Variants in CDH9 observed in about 807,000 individuals in gnomAD.
The protein encoded by CDH9 is cadherin-9.
In CDH9, 28 loss-of-function variants were observed where a neutral mutation model predicts 70.9. The ratio of observed to expected loss-of-function variants is 0.40; its 90% CI spans 0.29 to 0.54. CDH9 has a LOEUF of 0.54. Among genes scored for constraint, CDH9 ranks in the 20% least tolerant of loss-of-function variants. The pLI is 0.59. For missense variants in CDH9, 874 were observed against 984.4 expected, an observed-to-expected ratio of 0.89 and a Z score of 1.50; for synonymous variants, 409 against 343.1, an observed-to-expected ratio of 1.19 and a Z score of -2.12.
intron 1 of CDH9, among the ~76,000 whole-genome samples, chr5:27,025,056 T>G (rs948721810): frequency 2.0e-5 from 3 of 152,140 alleles, no homozygotes; most frequent in Admixed American, 1.3e-4. Flanking sequence ...ATCTATTAAT[T>G]TTTTTGTGAT....
chr5:26,890,389 GAAA>G, intron 8 of CDH9, 36 bp downstream of exon 8: 1 of 1,585,036 alleles, frequency 6.3e-7, no homozygotes, highest in South Asian at 1.1e-5. Context: ...CCACTTTGAT[GAAA>G]GACAGTGTCT....
At chr5:26,921,771 G>A (rs948661711) in intron 2 of CDH9, among the ~76,000 whole-genome samples, 1 of 152,018 alleles carries the variant, frequency 6.6e-6, no homozygotes, top group East Asian at 1.9e-4. Flanking sequence ...TCTTCCAAGT[G>A]AGTCTAAGAA....
chr5:26,892,058 T>G (rs1487684733), intron 7 of CDH9, among the ~76,000 whole-genome samples: 1 of 152,194 alleles, frequency 6.6e-6, no homozygotes, highest in East Asian at 1.9e-4. Flanking sequence ...ACTGAACTTC[T>G]GATCCACAAA....
chr5:27,024,557 G>T (rs1323946993), intron 1 of CDH9, among the ~76,000 whole-genome samples: 1 of 152,006 alleles, frequency 6.6e-6, no homozygotes, highest in Non-Finnish European at 1.5e-5. Flanking sequence ...ATTATCTTGA[G>T]CCACTATTAG....
intron 1 of CDH9, among the ~76,000 whole-genome samples, chr5:26,999,336 A>C (rs1477314439): frequency 6.6e-6 from 1 of 152,204 alleles, no homozygotes; most frequent in Non-Finnish European, 1.5e-5. Context: ...ATATGCAATG[A>C]CTTCTCTTCA....
At chr5:27,028,829 A>G (rs1743263996) in intron 1 of CDH9, among the ~76,000 whole-genome samples, 1 of 152,070 alleles carries the variant, frequency 6.6e-6, no homozygotes, top group African/African-American at 2.4e-5. Flanking sequence ...GTACTTCCTT[A>G]CATTTCTGGA....
intron 3 of CDH9, among the ~76,000 whole-genome samples, chr5:26,908,563 G>A (rs1045672112): frequency 1.3e-5 from 2 of 151,988 alleles, no homozygotes; most frequent in Non-Finnish European, 2.9e-5. Flanking sequence ...TTCATAATGG[G>A]TACAGGTAAA....
chr5:27,021,751 T>C (rs1743141922), intron 1 of CDH9, among the ~76,000 whole-genome samples: 1 of 151,960 alleles, frequency 6.6e-6, no homozygotes, highest in South Asian at 2.1e-4. Context: ...GGTTCATTGC[T>C]AGAGTAAAAG....
intron 7 of CDH9, among the ~76,000 whole-genome samples, chr5:26,901,073 G>A (rs78749922): frequency 1.1e-4 from 16 of 151,776 alleles, no homozygotes; most frequent in Middle Eastern, 3.2e-3. Flanking sequence ...GTCATTGGAC[G>A]GCTAGATTAA....
chr5:27,037,982 AT>A (rs1445423984), intron 1 of CDH9, among the ~76,000 whole-genome samples: 2 of 151,918 alleles, frequency 1.3e-5, no homozygotes, highest in Non-Finnish European at 2.9e-5. Context: ...TAAAGAAAGC[AT>A]TTCTTATTCA....
At chr5:27,022,558 A>G (rs1251710144) in intron 1 of CDH9, among the ~76,000 whole-genome samples, 1 of 152,138 alleles carries the variant, frequency 6.6e-6, no homozygotes, top group East Asian at 1.9e-4. Flanking sequence ...AATTTAAAAT[A>G]GATAACTGAT....
intron 2 of CDH9, among the ~76,000 whole-genome samples, chr5:26,963,163 C>T (rs1039717627): frequency 3.9e-5 from 6 of 152,012 alleles, no homozygotes; most frequent in East Asian, 1.9e-4. Context: ...ATAGAAATAA[C>T]GGTAATAAAA....
At chr5:26,898,906 T>G (rs900211495) in intron 7 of CDH9, among the ~76,000 whole-genome samples, 3 of 152,060 alleles carry the variant, frequency 2.0e-5, no homozygotes, top group East Asian at 1.9e-4. Flanking sequence ...GGGAGAAAAT[T>G]TTTGCAATCT....
rs1561181233 is a variant in CDH9 at position 26,883,085 on chromosome 5, AT to A, written c.1883-1463del. On this transcript the variant is annotated intron_variant, in intron 11 of 11. Coordinates refer to ENST00000231021, the MANE Select transcript of CDH9 (RefSeq NM_016279.4). ...TATATATATATATATATATATATATATATATATATAAAACTGCAGTAAAAAT... is the reference window on the plus strand; with the variant it reads ...TATATATATATATATATATATATATAATATATATAAAACTGCAGTAAAAAT... 9.0e-5 allele frequency among the ~76,000 whole-genome samples: 12 copies of A among 133,210 alleles called. 1 individual carries two copies. The highest frequency in any genetic ancestry group is 3.7e-3 in the Middle Eastern group (1 of 270). 87.4% of individuals were successfully genotyped at this position (133,210 alleles called of 152,430 possible).
chr5:26,955,784 G>A (rs1741936775), intron 2 of CDH9, among the ~76,000 whole-genome samples: 3 of 152,152 alleles, frequency 2.0e-5, no homozygotes, highest in Admixed American at 2.0e-4. Flanking sequence ...CTTAGCAGAT[G>A]TACTACTCAT....
intron 1 of CDH9, among the ~76,000 whole-genome samples, chr5:27,026,572 A>T (rs1278716422): frequency 6.6e-6 from 1 of 152,022 alleles, no homozygotes; most frequent in Non-Finnish European, 1.5e-5. Context: ...TCACTCCTCT[A>T]GAAAATACCT....
chr5:26,902,365 G>T, intron 7 of CDH9, 111 bp downstream of exon 7: 1 of 659,414 alleles, frequency 1.5e-6, no homozygotes, highest in Non-Finnish European at 2.6e-6. Context: ...GAGATTATTG[G>T]TATTATTACT....
Position 26,947,707 on chromosome 5 carries a change from A to G in CDH9, c.229-31783T>C, listed in dbSNP as rs556775635. On this transcript the variant is annotated intron_variant, in intron 2 of 11. Transcript: ENST00000231021. ...CTCTATTACGAAGAAATGCTGTTTT[A>G]GAGAGCATGGCATGAGGGAGAATTT... 3.9e-5 allele frequency among the ~76,000 whole-genome samples: 6 copies of G among 152,302 alleles called. No individual in the cohort carries two copies. In the East Asian group the frequency reaches 1.2e-3, roughly 29 times the overall value.
At chr5:27,018,252 A>T (rs186497748) in intron 1 of CDH9, among the ~76,000 whole-genome samples, 49 of 152,020 alleles carry the variant, frequency 3.2e-4, no homozygotes, top group Non-Finnish European at 5.6e-4. Context: ...AATTTTAAAA[A>T]ATTATTTTCA....
Sources: allele counts gnomAD v4.1 joint callset (sites outside exome capture counted in the v4.1 genomes callset), GRCh38; gene constraint gnomAD v4.1.1; transcripts MANE v1.5; gene names NCBI Gene and HGNC (gene_info 2026-07-23, HGNC 2026-07-21).